IGSF21: variants seen among roughly 807,000 people sequenced by gnomAD.
IGSF21 encodes the protein immunoglobin superfamily member 21.
A neutral mutation model predicts 46.8 loss-of-function variants in IGSF21; 28 were observed. That is an observed-to-expected ratio of 0.60 (90% CI 0.44 to 0.82). The LOEUF (loss-of-function observed/expected upper bound fraction) is 0.82. IGSF21 is among the 40% of genes least tolerant of loss of function. The pLI, the probability that IGSF21 is intolerant of heterozygous loss-of-function variation, is 0.00. For missense variants in IGSF21, 624 were observed against 665.5 expected, an observed-to-expected ratio of 0.94 and a Z score of 0.69; for synonymous variants, 284 against 273.6, an observed-to-expected ratio of 1.04 and a Z score of -0.38.
At chr1:18,363,347 C>T (rs1436481010) in intron 5 of IGSF21, among the ~76,000 whole-genome samples, 1 of 152,178 alleles carries the variant, frequency 6.6e-6, no homozygotes, top group Non-Finnish European at 1.5e-5. Context: ...TCCAATTGTG[C>T]GGCCTTGGGA....
At chr1:18,293,010 C>T (rs2085282008) in intron 3 of IGSF21, among the ~76,000 whole-genome samples, 1 of 152,230 alleles carries the variant, frequency 6.6e-6, no homozygotes, top group Non-Finnish European at 1.5e-5. Flanking sequence ...GGACTGCAGC[C>T]CCGGCAAGCC....
intron 1 of IGSF21, among the ~76,000 whole-genome samples, chr1:18,136,101 A>T (rs2086365966): frequency 6.6e-6 from 1 of 151,868 alleles, no homozygotes. Context: ...CCACTTTTTG[A>T]TGGGGTTGTT....
chr1:18,336,253 G>A (rs2085764710), intron 4 of IGSF21, among the ~76,000 whole-genome samples: 1 of 152,206 alleles, frequency 6.6e-6, no homozygotes, highest in African/African-American at 2.4e-5. Flanking sequence ...CATGCTGGAA[G>A]GAAATAAAGC....
At chr1:18,272,192 C>T (rs955584122) in intron 2 of IGSF21, among the ~76,000 whole-genome samples, 19 of 152,098 alleles carry the variant, frequency 1.2e-4, no homozygotes, top group African/African-American at 3.9e-4. Flanking sequence ...CATCATCTCT[C>T]GTGAGACTTA....
chr1:18,206,627 T>C (rs1315581912), intron 1 of IGSF21, among the ~76,000 whole-genome samples: 2 of 150,430 alleles, frequency 1.3e-5, no homozygotes, highest in African/African-American at 4.9e-5. Flanking sequence ...GAGCTTGGGA[T>C]GTTTAGGAAT....
At chr1:18,358,058 T>A (rs1227711237) in intron 4 of IGSF21, among the ~76,000 whole-genome samples, 2 of 151,926 alleles carry the variant, frequency 1.3e-5, no homozygotes, top group Non-Finnish European at 2.9e-5. Context: ...TGTGTGTGTG[T>A]GTGTGTGAAT....
At chr1:18,342,927 G>T (rs1184955673) in intron 4 of IGSF21, among the ~76,000 whole-genome samples, 1 of 152,184 alleles carries the variant, frequency 6.6e-6, no homozygotes, top group Non-Finnish European at 1.5e-5. Flanking sequence ...TGAATGTGTA[G>T]TTTCAGTTCT....
At position 18,365,519 on chromosome 1, in the gene IGSF21, C is replaced by T. The variant is rs577288977; in HGVS notation, c.837C>T (p.His279=). 6.8e-6 allele frequency: 11 copies of T among 1,614,024 alleles called. No homozygotes were observed. Among genetic ancestry groups the T allele is most frequent in the Non-Finnish European group, 9.3e-6 (11 of 1,180,038 alleles). Residue 279 remains histidine (H), a synonymous_variant, in exon 6 of 10, where the codon CAC becomes CAT. Transcript: ENST00000251296. The surrounding 1 kb of genome is among the most constrained non-coding windows in gnomAD (Gnocchi z 4.8). ...GCCGTGAGTTTCCCCGCTGGGTCCA[C>T]AGCGCCGAGCCCACCTACTTCCTGC... ...VVSREFPRWV[H]SAEPTYFLRH... is the part of the protein sequence containing the mutation.
intron 1 of IGSF21, among the ~76,000 whole-genome samples, chr1:18,176,811 G>C (rs1176851291): frequency 6.6e-6 from 1 of 152,188 alleles, no homozygotes; most frequent in African/African-American, 2.4e-5. Flanking sequence ...AACGTTGTCA[G>C]CTCCCTTGGG....
intron 1 of IGSF21, among the ~76,000 whole-genome samples, chr1:18,197,164 A>G (rs1408043601): frequency 6.6e-6 from 1 of 152,224 alleles, no homozygotes; most frequent in African/African-American, 2.4e-5. Flanking sequence ...GATGCGAGGA[A>G]GGAGTGTGTT....
At chr1:18,287,194 A>AAATAAATAAATAAATAAAT (rs60840997) in intron 2 of IGSF21, among the ~76,000 whole-genome samples, 34 of 124,834 alleles carry the variant, frequency 2.7e-4, no homozygotes, top group African/African-American at 4.5e-4. Context: ...AAAAAAAAAT[A>AAATAAATAAATAAATAAAT]AAATAAATAA....
intron 2 of IGSF21, among the ~76,000 whole-genome samples, chr1:18,242,614 T>C (rs1242432156): frequency 1.3e-5 from 2 of 152,210 alleles, no homozygotes; most frequent in African/African-American, 2.4e-5. Context: ...TCTAAAATAA[T>C]TGAGGGTGTA....
intron 1 of IGSF21, among the ~76,000 whole-genome samples, chr1:18,175,687 C>A (rs12039774): frequency 0.22 from 32,931 of 151,994 alleles, 4,799 homozygotes; most frequent in East Asian, 0.47. Flanking sequence ...TTCCTTCCCA[C>A]GAGGACTCTC....
At chr1:18,154,746 T>C (rs943922231) in intron 1 of IGSF21, among the ~76,000 whole-genome samples, 5 of 152,036 alleles carry the variant, frequency 3.3e-5, no homozygotes, top group Admixed American at 3.3e-4. Flanking sequence ...TGGAGTTGCT[T>C]TGTGTAACCA....
rs140773195 is a variant in IGSF21, at chr1:18,212,775, G to A, written c.71-15123G>A. On this transcript the variant is annotated intron_variant, in intron 1 of 9. Coordinates refer to ENST00000251296, the MANE Select transcript of IGSF21 (RefSeq NM_032880.5). ...CAGGGCACCTCACAAGCATCCTGTG[G>A]TCACATTGGTCTCAGCCCTCCTCCC... Among the ~76,000 whole-genome samples, 308 of 152,304 alleles carry A rather than the reference G, an allele frequency of 2.0e-3. 3 individuals are homozygous for A. Among genetic ancestry groups the A allele is most frequent in the African/African-American group, 7.0e-3 (291 of 41,570 alleles).
chr1:18,227,457 T>C (rs2084579647), intron 1 of IGSF21, among the ~76,000 whole-genome samples: 1 of 151,928 alleles, frequency 6.6e-6, no homozygotes, highest in African/African-American at 2.4e-5. Flanking sequence ...TCGGCATTCA[T>C]TTCCTGCAGG....
chr1:18,224,198 G>T (rs1423185928), intron 1 of IGSF21, among the ~76,000 whole-genome samples: 1 of 152,086 alleles, frequency 6.6e-6, no homozygotes, highest in Admixed American at 6.6e-5. Context: ...CCTGGCTCAG[G>T]TTCTACAAGA....
intron 1 of IGSF21, among the ~76,000 whole-genome samples, chr1:18,184,111 C>T (rs2086881323): frequency 1.3e-5 from 2 of 152,142 alleles, no homozygotes; most frequent in Non-Finnish European, 2.9e-5. Flanking sequence ...AGGAAAGTAA[C>T]TTCCCCTCTC....
At chr1:18,336,344 A>G (rs1002749726) in intron 4 of IGSF21, among the ~76,000 whole-genome samples, 37 of 152,322 alleles carry the variant, frequency 2.4e-4, no homozygotes, top group Non-Finnish European at 4.3e-4. Context: ...CTCTGCAGCT[A>G]TTGGGCTGAG....
Sources: allele counts gnomAD v4.1 joint callset (sites outside exome capture counted in the v4.1 genomes callset), GRCh38; gene constraint gnomAD v4.1.1; non-coding constraint Gnocchi (gnomAD v3.1); transcripts MANE v1.5; gene names NCBI Gene and HGNC (gene_info 2026-07-23, HGNC 2026-07-21).